The following ZC3H14 variants were observed in gnomAD, a reference collection of about 807,000 sequenced individuals.
ZC3H14 encodes zinc finger CCCH domain-containing protein 14.
A neutral mutation model predicts 92.4 loss-of-function variants in ZC3H14; 31 were observed. That is an observed-to-expected ratio of 0.34 (90% CI 0.25 to 0.45). The LOEUF is 0.45. Among genes scored for constraint, ZC3H14 ranks in the 20% least tolerant of loss-of-function variants. The probability of loss-of-function intolerance (pLI) is 1.00; values close to 1 mark genes in which losing one functional copy is unlikely to be tolerated. For synonymous variants in ZC3H14, 321 were observed against 300.9 expected (o/e 1.07, Z -0.69); for missense variants, 781 against 897.3 (o/e 0.87, Z 1.66).
rs1303846118 is a variant in ZC3H14, at chr14:88,622,941, C to T, written c.*11190C>T. 2.5e-6 allele frequency: 1 copy of T among 393,182 alleles called. No homozygotes were observed. The highest frequency in any genetic ancestry group is 4.5e-6 in the Non-Finnish European group (1 of 222,666). The allele number at this position is 393,182 out of a possible 1,614,324, so 24.4% of individuals were successfully genotyped here. ...TCAGTGAATTTTATTTTGAGAAATA[C>T]TCTTTTTTTCTGACATGAGCATAAT... is the stretch of plus-strand genomic sequence containing the variant. On this transcript the variant is annotated 3_prime_UTR_variant, in exon 17 of 17. Coordinates refer to ENST00000251038, the MANE Select transcript of ZC3H14 (RefSeq NM_024824.5).
In ZC3H14 at chr14:88,625,975, G is replaced by A. The variant is rs932362885; in HGVS notation, c.*14224G>A. 6.6e-6 allele frequency: 1 copy of A among 152,150 alleles called. No homozygotes were observed. The highest frequency in any genetic ancestry group is 6.5e-5 in the Admixed American group (1 of 15,274). The allele number at this position is 152,150 out of a possible 1,614,324, so 9.4% of individuals were successfully genotyped here. A position where few individuals can be genotyped will look rare whatever the true frequency, so the allele number is the denominator to read the frequency against. ...TGGAAGCCACAGGTCCAGATGAGATGGAATAAAGTGAGAGGAGAGCAGGTC... is the reference window on the plus strand; with the variant it reads ...TGGAAGCCACAGGTCCAGATGAGATAGAATAAAGTGAGAGGAGAGCAGGTC... On this transcript the variant is annotated 3_prime_UTR_variant, in exon 17 of 17. Coordinates refer to ENST00000251038, the MANE Select transcript of ZC3H14 (RefSeq NM_024824.5).
In ZC3H14 at chr14:88,626,741, C is replaced by G; in HGVS notation, c.*14990C>G. The G allele has an allele frequency of 1.6e-6, 2 of 1,213,236 alleles. No individual in the cohort carries two copies. Among genetic ancestry groups the G allele is most frequent in the African/African-American group, 1.5e-5 (1 of 66,806 alleles). The allele number at this position is 1,213,236 out of a possible 1,614,324, so 75.2% of individuals were successfully genotyped here. A position where few individuals can be genotyped will look rare whatever the true frequency, so the allele number is the denominator to read the frequency against. ...CCAGGGCATGTAATGATTAGCAGAT[C>G]ACAGTATCATCTCAACAACATTCAT... is the stretch of plus-strand genomic sequence containing the variant. On this transcript the variant is annotated 3_prime_UTR_variant, in exon 17 of 17. Coordinates refer to ENST00000251038, the MANE Select transcript of ZC3H14 (RefSeq NM_024824.5).
chr14:88,578,558 A>T (rs890568911), intron 9 of ZC3H14, among the ~76,000 whole-genome samples: 5 of 152,178 alleles, frequency 3.3e-5, no homozygotes, highest in Admixed American at 2.6e-4. Flanking sequence ...CTTAGTTATT[A>T]TCAGAATTTT....
chr14:88,577,897 G>T, intron 8 of ZC3H14, 88 bp from the exon 9 acceptor site: 1 of 1,541,226 alleles, frequency 6.5e-7, no homozygotes, highest in Non-Finnish European at 9.0e-7. Flanking sequence ...ACCAAAGGAG[G>T]CATTTATATT....
rs555559441 is a variant in ZC3H14, at chr14:88,615,029, C to T, written c.*3278C>T. On this transcript the variant is annotated 3_prime_UTR_variant, in exon 17 of 17. Coordinates refer to ENST00000251038, the MANE Select transcript of ZC3H14 (RefSeq NM_024824.5). The stretch of plus-strand genomic sequence containing the variant: ...AGTTAAATACTGTTGCTCCCTAAAA[C>T]CCTTACATTGTACACCATTGGGAAT... 2 of 152,286 alleles carry T rather than the reference C, an allele frequency of 1.3e-5. No homozygotes were observed. Among genetic ancestry groups the T allele is most frequent in the African/African-American group, 4.8e-5 (2 of 41,538 alleles). 9.4% of individuals were successfully genotyped at this position (152,286 alleles called of 1,614,324 possible). A position where few individuals can be genotyped will look rare whatever the true frequency, so the allele number is the denominator to read the frequency against.
At chr14:88,603,999 G>GA (rs2084985920) in intron 12 of ZC3H14, among the ~76,000 whole-genome samples, 1 of 152,156 alleles carries the variant, frequency 6.6e-6, no homozygotes, top group African/African-American at 2.4e-5. Flanking sequence ...GGAGGGAGTT[G>GA]AAAATCTGAC....
At chr14:88,590,376 C>T (rs1358430880) in intron 9 of ZC3H14, 1 of 153,174 alleles carries the variant, frequency 6.5e-6, no homozygotes, top group African/African-American at 2.4e-5. Context: ...ACCCACCTGC[C>T]TCCCTCTGCT....
chr14:88,584,103 A>T (rs1311937716), intron 9 of ZC3H14, among the ~76,000 whole-genome samples: 1 of 152,136 alleles, frequency 6.6e-6, no homozygotes, highest in South Asian at 2.1e-4. Context: ...GTTTTGCCTG[A>T]TATTAATATA....
intron 9 of ZC3H14, among the ~76,000 whole-genome samples, chr14:88,582,599 C>T (rs1352075748): frequency 6.6e-6 from 1 of 152,170 alleles, no homozygotes; most frequent in Non-Finnish European, 1.5e-5. Context: ...TCTGGGGTGG[C>T]AGATGACGTT....
intron 3 of ZC3H14, among the ~76,000 whole-genome samples, chr14:88,568,426 C>G (rs1698068381): frequency 6.6e-6 from 1 of 152,224 alleles, no homozygotes; most frequent in Non-Finnish European, 1.5e-5. Context: ...ACCTTCTTCA[C>G]AAGTCGACAG....
rs1430983769 is a variant in ZC3H14, at chr14:88,616,778, C to T, written c.*5027C>T. The T allele has an allele frequency of 1.9e-6, 3 of 1,613,918 alleles. No homozygotes were observed. The highest frequency in any genetic ancestry group is 2.5e-6 in the Non-Finnish European group (3 of 1,179,856). The stretch of plus-strand genomic sequence containing the variant: ...TAACTTAACCATGCCAAAGTCATCT[C>T]CTGTAACAAGACTGATTCCTGAATG... On this transcript the variant is annotated 3_prime_UTR_variant, in exon 17 of 17. Coordinates refer to ENST00000251038, the MANE Select transcript of ZC3H14 (RefSeq NM_024824.5).
chr14:88,611,063 G>GT (rs1461447712), intron 16 of ZC3H14, 123 bp downstream of exon 16: 8 of 976,386 alleles, frequency 8.2e-6, no homozygotes, highest in African/African-American at 1.6e-5. Context: ...TTTCTTTGCT[G>GT]TTTAATTATA....
At chr14:88,609,863 C>G in intron 15 of ZC3H14, 60 bp downstream of exon 15, 2 of 1,561,012 alleles carry the variant, frequency 1.3e-6, no homozygotes, top group Non-Finnish European at 1.8e-6. Flanking sequence ...CCTCATTTAA[C>G]TTCTTTTTTG....
chr14:88,616,741 T>C lies in ZC3H14; in HGVS notation c.*4990T>C. On this transcript the variant is annotated 3_prime_UTR_variant, in exon 17 of 17. Coordinates refer to ENST00000251038, the MANE Select transcript of ZC3H14 (RefSeq NM_024824.5). ...ACAAACTTACAAATTTTTCTGGACA[T>C]GGGAAGTCAAATAACTTAACCATGC... is the stretch of plus-strand genomic sequence containing the variant. 6.2e-7 allele frequency: 1 copy of C among 1,613,384 alleles called. No homozygotes were observed. Among genetic ancestry groups the C allele is most frequent in the Non-Finnish European group, 8.5e-7 (1 of 1,179,602 alleles).
In ZC3H14 at chr14:88,618,481, G is replaced by C; in HGVS notation, c.*6730G>C. The C allele has an allele frequency of 9.3e-7, 1 of 1,078,978 alleles. No individual in the cohort carries two copies. Among genetic ancestry groups the C allele is most frequent in the South Asian group, 1.6e-5 (1 of 61,032 alleles). The allele number at this position is 1,078,978 out of a possible 1,614,324, so 66.8% of individuals were successfully genotyped here. A position where few individuals can be genotyped will look rare whatever the true frequency, so the allele number is the denominator to read the frequency against. ...AGATCACTACAAAAACTTAATAGGA[G>C]AAAAGCTCTGATAAGTGGGGGAGGA... On this transcript the variant is annotated 3_prime_UTR_variant, in exon 17 of 17. Coordinates refer to ENST00000251038, the MANE Select transcript of ZC3H14 (RefSeq NM_024824.5).
intron 9 of ZC3H14, chr14:88,590,846 GTT>G (rs1196940234): frequency 1.3e-5 from 2 of 152,160 alleles, no homozygotes; most frequent in African/African-American, 4.8e-5. Context: ...CTCAGTCAGT[GTT>G]TGTTGTCTGA....
At chr14:88,579,836 A>G (rs2081653727) in intron 9 of ZC3H14, among the ~76,000 whole-genome samples, 1 of 152,218 alleles carries the variant, frequency 6.6e-6, no homozygotes, top group Non-Finnish European at 1.5e-5. Flanking sequence ...TGAAAGGTAT[A>G]CCAAAAAGAA....
rs1201396260 is a variant in ZC3H14 at position 88,596,786 on chromosome 14, A to G, written c.1332A>G (p.Ala444=). The G allele has an allele frequency of 6.2e-7, 1 of 1,614,074 alleles. No individual in the cohort carries two copies. ...LSRLQIDPVM[A]ETLQMSQDYY... is the part of the protein sequence containing the mutation. ...GACTGCAAATCGACCCAGTAATGGC[A>G]GAAACTCTGCAGATGAGTCAAGGTT... The change falls in exon 10 of 17, where the codon GCA becomes GCG. Residue 444 remains alanine, a synonymous_variant. Coordinates refer to ENST00000251038, the MANE Select transcript of ZC3H14 (RefSeq NM_024824.5).
In ZC3H14 at chr14:88,565,941, C is replaced by A. The variant is rs193157984; in HGVS notation, c.80-2098C>A. 3.9e-3 allele frequency among the ~76,000 whole-genome samples: 576 copies of A among 148,822 alleles called. 13 individuals carry two copies. The highest frequency in any genetic ancestry group is 0.025 in the Admixed American group (363 of 14,716). ...GGAGTGCAGTGGTGCAATCTTGGCT[C>A]ACTGCAACCTCCGCCTCCCAGGTTC... On this transcript the variant is annotated intron_variant, in intron 2 of 16. Coordinates refer to ENST00000251038, the MANE Select transcript of ZC3H14 (RefSeq NM_024824.5).
Sources: allele counts gnomAD v4.1 joint callset (sites outside exome capture counted in the v4.1 genomes callset), GRCh38; gene constraint gnomAD v4.1.1; transcripts MANE v1.5; gene names NCBI Gene and HGNC (gene_info 2026-07-23, HGNC 2026-07-21).